AGFG1: variants seen among roughly 807,000 people sequenced by gnomAD.
AGFG1 encodes the protein arf-GAP domain and FG repeat-containing protein 1.
A neutral mutation model predicts 60.6 loss-of-function variants in AGFG1; 10 were observed. The observed-to-expected ratio is 0.16, with a 90% confidence interval of 0.10 to 0.28. The LOEUF is 0.28. Ranked by LOEUF, AGFG1 falls within the 10% of genes least tolerant of loss-of-function variation. The pLI is 1.00. For missense variants in AGFG1, 537 were observed against 676.5 expected (o/e 0.79, Z 2.29); for synonymous variants, 247 against 242.9 (o/e 1.02, Z -0.16).
intron 3 of AGFG1, among the ~76,000 whole-genome samples, chr2:227,522,168 A>G (rs1691845327): frequency 6.6e-6 from 1 of 152,240 alleles, no homozygotes; most frequent in Admixed American, 6.5e-5. Context: ...TCTGTGTTAT[A>G]CTAGAAGACA....
intron 10 of AGFG1, among the ~76,000 whole-genome samples, chr2:227,539,644 C>T (rs1692420413): frequency 6.8e-6 from 1 of 146,998 alleles, no homozygotes; most frequent in Non-Finnish European, 1.5e-5. Context: ...ACTCAGGAGG[C>T]TGAGGTGGGA....
rs76691626 is a variant in AGFG1 at position 227,549,127 on chromosome 2, C to T, written c.1379-2832C>T. On this transcript the variant is annotated intron_variant, in intron 10 of 12. Transcript: ENST00000310078. ...TCGTTGTTACATTTATTCTTCACAG[C>T]AGCTTTGTGAAGTATAGATACTATT... Among the ~76,000 whole-genome samples the T allele has an allele frequency of 6.9e-3, 1,056 of 152,140 alleles. 21 individuals are homozygous for T. The highest frequency in any genetic ancestry group is 0.024 in the African/African-American group (1,011 of 41,472).
chr2:227,530,303 A>G (rs1368156165), intron 5 of AGFG1, among the ~76,000 whole-genome samples: 1 of 152,274 alleles, frequency 6.6e-6, no homozygotes, highest in African/African-American at 2.4e-5. Flanking sequence ...TTGAATTTGC[A>G]AAGTTGTGTT....
chr2:227,535,237 A>T (rs1383599377), intron 8 of AGFG1, among the ~76,000 whole-genome samples: 1 of 152,210 alleles, frequency 6.6e-6, no homozygotes, highest in East Asian at 1.9e-4. Context: ...ACGTTTTGTT[A>T]TGTTCTGTCC....
At chr2:227,503,766 T>C (rs1691226037) in intron 2 of AGFG1, among the ~76,000 whole-genome samples, 1 of 152,268 alleles carries the variant, frequency 6.6e-6, no homozygotes, top group African/African-American at 2.4e-5. Flanking sequence ...ATATTGGTTT[T>C]GATAAATTGT....
chr2:227,473,125 G>A (rs1018706072), intron 1 of AGFG1, among the ~76,000 whole-genome samples: 2 of 152,134 alleles, frequency 1.3e-5, no homozygotes, highest in Non-Finnish European at 2.9e-5. Context: ...CGCCTGCCTC[G>A]CCCGTGCCTT....
chr2:227,544,201 C>G (rs1050004537), intron 10 of AGFG1, among the ~76,000 whole-genome samples: 12 of 129,098 alleles, frequency 9.3e-5, no homozygotes, highest in African/African-American at 3.6e-4. Flanking sequence ...GTCACCCAGC[C>G]TGGAGTGCAG....
At chr2:227,484,688 GTTTTTTTTTT>G (rs745570416) in intron 1 of AGFG1, among the ~76,000 whole-genome samples, 1 of 25,122 alleles carries the variant, frequency 4.0e-5, no homozygotes, top group Non-Finnish European at 8.2e-5. Flanking sequence ...TTTTTTTTTT[GTTTTTTTTTT>G]TTTTTTTTTT....
intron 2 of AGFG1, among the ~76,000 whole-genome samples, chr2:227,504,992 G>A (rs908336868): frequency 3.9e-5 from 6 of 152,094 alleles, no homozygotes; most frequent in South Asian, 2.1e-4. Flanking sequence ...TACTGATTTC[G>A]TCTAGTTAAG....
chr2:227,551,689 T>C (rs1692825362), intron 10 of AGFG1, among the ~76,000 whole-genome samples: 1 of 152,204 alleles, frequency 6.6e-6, no homozygotes, highest in Non-Finnish European at 1.5e-5. Flanking sequence ...AATTTATAAT[T>C]TGAGAAATTG....
chr2:227,532,309 A>T, intron 6 of AGFG1: 1 of 816,718 alleles, frequency 1.2e-6, no homozygotes, highest in Non-Finnish European at 1.8e-6. Flanking sequence ...TTCTTTAGTG[A>T]TAATCCTTCA....
At chr2:227,505,706 TATATG>T (rs769082965) in intron 2 of AGFG1, among the ~76,000 whole-genome samples, 11 of 152,118 alleles carry the variant, frequency 7.2e-5, no homozygotes, top group South Asian at 2.1e-4. Flanking sequence ...GATGTTTTCT[TATATG>T]ATATGGTCTT....
At position 227,558,226 on chromosome 2, in the gene AGFG1, C is replaced by A. The variant is rs1281871562; in HGVS notation, c.*3731C>A. ...GTTAAGCTAGTGGCAGCTTTTTGCT[C>A]TGGGGAACAGATTTGGATTAAATGC... On this transcript the variant is annotated 3_prime_UTR_variant, in exon 13 of 13. Transcript: ENST00000310078. 6.6e-6 allele frequency: 1 copy of A among 152,126 alleles called. No individual in the cohort carries two copies. The highest frequency in any genetic ancestry group is 2.1e-4 in the South Asian group (1 of 4,828). The allele number at this position is 152,126 out of a possible 1,614,324, so 9.4% of individuals were successfully genotyped here.
At position 227,533,637 on chromosome 2, in the gene AGFG1, T is replaced by C; in HGVS notation, c.903T>C (p.Thr301=). 6.2e-7 allele frequency: 1 copy of C among 1,613,856 alleles called. No individual in the cohort carries two copies. The highest frequency in any genetic ancestry group is 1.1e-5 in the South Asian group (1 of 91,076). The change falls in exon 7 of 13, where the codon ACT becomes ACC. Residue 301 remains threonine (T), a synonymous_variant. Coordinates refer to ENST00000310078, the MANE Select transcript of AGFG1 (RefSeq NM_004504.5). ...SSSADFGTFN[T]SQSHQTASAV... Reference sequence around the variant, plus strand: ...GTGCTGATTTTGGAACCTTCAATACTTCCCAGAGTCATCAAACAGCATCAG... The same window carrying C: ...GTGCTGATTTTGGAACCTTCAATACCTCCCAGAGTCATCAAACAGCATCAG...
chr2:227,472,820 A>G (rs547356446), intron 1 of AGFG1, among the ~76,000 whole-genome samples: 1 of 138,160 alleles, frequency 7.2e-6, no homozygotes, highest in African/African-American at 2.7e-5. Context: ...GCGAGGGTTT[A>G]CGTTCTGGGC....
At chr2:227,536,452 C>A (rs980485362) in intron 8 of AGFG1, among the ~76,000 whole-genome samples, 173 bp from the exon 9 acceptor site, 3 of 152,054 alleles carry the variant, frequency 2.0e-5, no homozygotes, top group African/African-American at 7.3e-5. Flanking sequence ...CTTAATGAAG[C>A]AGTAACAATT....
In AGFG1 at chr2:227,475,454, A is replaced by G. The variant is rs187982901; in HGVS notation, c.167+2866A>G. Among the ~76,000 whole-genome samples, 183 of 152,338 alleles carry G rather than the reference A, an allele frequency of 1.2e-3. 1 individual carries two copies. Among genetic ancestry groups the G allele is most frequent in the Non-Finnish European group, 2.0e-3 (134 of 68,024 alleles). ...GTAGGGAATGAAGACTAGAGTGGCA[A>G]CCATCAAATGTCTACTGCAGAACGT... On this transcript the variant is annotated intron_variant, in intron 1 of 12. Coordinates refer to ENST00000310078, the MANE Select transcript of AGFG1 (RefSeq NM_004504.5).
chr2:227,476,354 T>C lies in AGFG1; in HGVS notation c.167+3766T>C, dbSNP rs555295947. On this transcript the variant is annotated intron_variant, in intron 1 of 12. Coordinates refer to ENST00000310078, the MANE Select transcript of AGFG1 (RefSeq NM_004504.5). ...CATGTTAAATAACTTCTAGTTGATT[T>C]AAAGACTAGTTTTAGACTAAATTAT... 5.8e-4 allele frequency among the ~76,000 whole-genome samples: 89 copies of C among 152,352 alleles called. 1 individual carries two copies. The highest frequency in any genetic ancestry group is 1.9e-3 in the African/African-American group (81 of 41,586).
chr2:227,543,083 T>G (rs1240067579), intron 10 of AGFG1, among the ~76,000 whole-genome samples: 1 of 152,150 alleles, frequency 6.6e-6, no homozygotes, highest in Non-Finnish European at 1.5e-5. Flanking sequence ...GTCTGTCAAT[T>G]TTGTTGATCT....
Sources: gnomAD v4.1 joint callset for allele counts (sites outside exome capture counted in the v4.1 genomes callset) on GRCh38, gnomAD v4.1.1 for gene constraint, MANE v1.5 for transcripts, NCBI Gene and HGNC (gene_info 2026-07-23, HGNC 2026-07-21) for gene names.